Variants in MCU observed in about 807,000 individuals in gnomAD.
MCU encodes the protein mitochondrial calcium uniporter, also known as calcium uniporter protein, mitochondrial.
Under a neutral mutation model 45.2 loss-of-function variants are expected in MCU, and 12 were observed. That is an observed-to-expected ratio of 0.27 (90% CI 0.17 to 0.43). The LOEUF (loss-of-function observed/expected upper bound fraction) is 0.43, where lower values mean the gene tolerates loss of function less well. Ranked by LOEUF, MCU falls within the 20% of genes least tolerant of loss-of-function variation. MCU has a pLI of 1.00. For missense variants in MCU, 324 were observed against 436.7 expected (o/e 0.74, Z 2.30); for synonymous variants, 160 against 165.1 (o/e 0.97, Z 0.24).
At chr10:72,776,403 A>AGAAT (rs1843894875) in intron 1 of MCU, among the ~76,000 whole-genome samples, 1 of 152,206 alleles carries the variant, frequency 6.6e-6, no homozygotes, top group African/African-American at 2.4e-5. Context: ...GTGATATAAG[A>AGAAT]GAATGATTCA....
At chr10:72,745,668 A>G (rs1313641486) in intron 1 of MCU, among the ~76,000 whole-genome samples, 1 of 152,090 alleles carries the variant, frequency 6.6e-6, no homozygotes, top group Admixed American at 6.5e-5. Flanking sequence ...CCTTTACCAT[A>G]TATTATAATA....
chr10:72,871,084 G>A (rs545463861), intron 5 of MCU, among the ~76,000 whole-genome samples: 1 of 152,236 alleles, frequency 6.6e-6, no homozygotes, highest in Admixed American at 6.5e-5. Flanking sequence ...ATTTTTTGTA[G>A]AGATGGGATT....
chr10:72,816,730 C>A (rs140552376), intron 1 of MCU, among the ~76,000 whole-genome samples: 256 of 152,298 alleles, frequency 1.7e-3, no homozygotes, highest in African/African-American at 5.9e-3. Flanking sequence ...TGCACTCCAG[C>A]CTGAGTGACA....
chr10:72,720,975 G>C (rs1391340310), intron 1 of MCU: 1 of 152,686 alleles, frequency 6.5e-6, no homozygotes, highest in Non-Finnish European at 1.5e-5. Context: ...AGGAAGCTTA[G>C]TAATTGTTGC....
At chr10:72,733,882 A>T (rs1281715233) in intron 1 of MCU, among the ~76,000 whole-genome samples, 1 of 151,772 alleles carries the variant, frequency 6.6e-6, no homozygotes, top group Non-Finnish European at 1.5e-5. Context: ...CAATATGCTT[A>T]TTGGAGAAAA....
Position 72,706,917 on chromosome 10 carries a change from T to C in MCU, c.150+14616T>C, listed in dbSNP as rs184546500. Among the ~76,000 whole-genome samples the C allele has an allele frequency of 3.2e-3, 448 of 141,874 alleles. 2 individuals carry two copies. The highest frequency in any genetic ancestry group is 0.011 in the African/African-American group (417 of 38,058). The allele number at this position is 141,874 out of a possible 152,430, so 93.1% of individuals were successfully genotyped here. On this transcript the variant is annotated intron_variant, in intron 1 of 7. Transcript: ENST00000373053. ...CAGTCTCAGCTCACTGAAACCTCCA[T>C]CTCCTGGGTTCAAGTGATTCTCCTG...
chr10:72,844,683 C>A (rs1996906), intron 2 of MCU, among the ~76,000 whole-genome samples: 1 of 151,934 alleles, frequency 6.6e-6, no homozygotes, highest in Non-Finnish European at 1.5e-5. Flanking sequence ...AAATGACAAT[C>A]TTATATTTTG....
intron 2 of MCU, 147 bp from the exon 3 acceptor site, chr10:72,859,030 C>CT (rs1845336119): frequency 1.5e-6 from 1 of 669,512 alleles, no homozygotes; most frequent in Non-Finnish European, 2.4e-6. Context: ...TAACCTTCAA[C>CT]TAAAGCTAAA....
intron 1 of MCU, among the ~76,000 whole-genome samples, chr10:72,736,732 A>T (rs1053367355): frequency 1.3e-5 from 2 of 152,200 alleles, no homozygotes; most frequent in African/African-American, 4.8e-5. Flanking sequence ...AATCTGTAAC[A>T]TTTTGTCAGT....
intron 1 of MCU, among the ~76,000 whole-genome samples, chr10:72,737,750 C>G (rs1257258347): frequency 6.6e-6 from 1 of 151,990 alleles, no homozygotes; most frequent in African/African-American, 2.4e-5. Flanking sequence ...GAACTCCTGG[C>G]CTTAAGTGAT....
chr10:72,843,729 T>C (rs1403684307), intron 2 of MCU, among the ~76,000 whole-genome samples: 2 of 152,168 alleles, frequency 1.3e-5, no homozygotes, highest in Non-Finnish European at 2.9e-5. Context: ...TCTACCAAAG[T>C]GGTTGTACTA....
chr10:72,781,416 A>T (rs2132752026), intron 1 of MCU, among the ~76,000 whole-genome samples: 1 of 152,366 alleles, frequency 6.6e-6, no homozygotes, highest in East Asian at 1.9e-4. Context: ...TAAATGAATC[A>T]TTGTAGAGTT....
chr10:72,820,873 T>C (rs1175826587), intron 1 of MCU, among the ~76,000 whole-genome samples: 2 of 152,014 alleles, frequency 1.3e-5, no homozygotes, highest in Non-Finnish European at 2.9e-5. Context: ...TCAGTAGTTA[T>C]TCCCTACTAC....
chr10:72,881,798 C>G (rs1413925122), intron 6 of MCU, among the ~76,000 whole-genome samples: 1 of 152,180 alleles, frequency 6.6e-6, no homozygotes, highest in East Asian at 1.9e-4. Context: ...CAGGAAAATG[C>G]TGTGTATCTC....
intron 1 of MCU, among the ~76,000 whole-genome samples, chr10:72,699,631 G>A (rs575016030): frequency 6.0e-5 from 9 of 148,882 alleles, no homozygotes; most frequent in South Asian, 2.1e-4. Context: ...TCACGCTGTC[G>A]TCCATGCTGG....
chr10:72,808,557 G>T (rs573366288), intron 1 of MCU, among the ~76,000 whole-genome samples: 1 of 152,288 alleles, frequency 6.6e-6, no homozygotes, highest in South Asian at 2.1e-4. Flanking sequence ...AGTACCTTGA[G>T]GGAGAGTTAG....
chr10:72,868,584 C>T, intron 4 of MCU, 119 bp from the exon 5 acceptor site: 1 of 829,652 alleles, frequency 1.2e-6, no homozygotes, highest in Non-Finnish European at 1.8e-6. Context: ...TATTACTTTC[C>T]TTCAGTTTAA....
At chr10:72,693,661 G>A (rs1274911857) in intron 1 of MCU, among the ~76,000 whole-genome samples, 1 of 152,120 alleles carries the variant, frequency 6.6e-6, no homozygotes, top group East Asian at 1.9e-4. Context: ...ATTCTTGTGA[G>A]AAGATTGTAC....
At chr10:72,697,433 T>G in intron 1 of MCU, among the ~76,000 whole-genome samples, 1 of 139,288 alleles carries the variant, frequency 7.2e-6, no homozygotes, top group Non-Finnish European at 1.5e-5. Context: ...TCTATTTTTT[T>G]TTTTTTTTTT....
Sources: gnomAD v4.1 joint callset for allele counts (sites outside exome capture counted in the v4.1 genomes callset) on GRCh38, gnomAD v4.1.1 for gene constraint, MANE v1.5 for transcripts, NCBI Gene and HGNC (gene_info 2026-07-23, HGNC 2026-07-21) for gene names.